UBASH3A: variants seen among roughly 807,000 people sequenced by gnomAD.
UBASH3A encodes ubiquitin-associated and SH3 domain-containing protein A.
In UBASH3A, 63 loss-of-function variants were observed where a neutral mutation model predicts 73.5. The ratio of observed to expected loss-of-function variants is 0.86; its 90% confidence interval spans 0.70 to 1.06. The LOEUF (loss-of-function observed/expected upper bound fraction) is 1.06. Ranked by LOEUF, UBASH3A falls within the 50% of genes least tolerant of loss-of-function variation. The pLI, the probability that UBASH3A is intolerant of heterozygous loss-of-function variation, is 0.00. For synonymous variants in UBASH3A, 363 were observed against 351.1 expected (o/e 1.03, Z -0.38); for missense variants, 860 against 859.0 (o/e 1.00, Z -0.02).
At chr21:42,431,014 C>T (rs2053518599) in intron 8 of UBASH3A, among the ~76,000 whole-genome samples, 1 of 152,214 alleles carries the variant, frequency 6.6e-6, no homozygotes, top group Admixed American at 6.5e-5. Context: ...CTGGTGTCTC[C>T]CTCCAGGGTC....
intron 1 of UBASH3A, among the ~76,000 whole-genome samples, chr21:42,404,928 C>A (rs1388042627): frequency 6.6e-6 from 1 of 152,230 alleles, no homozygotes; most frequent in Non-Finnish European, 1.5e-5. Context: ...GCTTTCATGG[C>A]AAACCAGTGC....
Position 42,437,493 on chromosome 21 carries a change from G to A in UBASH3A, c.1399G>A (p.Ala467Thr), listed in dbSNP as rs377495212. The change falls in exon 11 of 15, where the codon GCG becomes ACG. Residue 467 changes from alanine (A) to threonine (T), a missense_variant. By Grantham distance (58) the Ala-to-Thr change is moderately conservative. Transcript: ENST00000319294. ...GIFQSRIAGD[A>T]LLDSGIRISS... ...CCTTTTTCACTATTTTCCAGGGGACGCGCTACTGGACAGTGGTATCAGAAT... is the reference window on the plus strand; with the variant it reads ...CCTTTTTCACTATTTTCCAGGGGACACGCTACTGGACAGTGGTATCAGAAT... 21 of 1,614,002 alleles carry A rather than the reference G, an allele frequency of 1.3e-5. No individual in the cohort carries two copies. The highest frequency in any genetic ancestry group is 6.7e-5 in the East Asian group (3 of 44,900).
chr21:42,443,973 G>A (rs1026429110), intron 13 of UBASH3A, among the ~76,000 whole-genome samples: 32 of 152,232 alleles, frequency 2.1e-4, no homozygotes, highest in African/African-American at 7.7e-4. Context: ...TCCAGGTGGC[G>A]CCCCCTTCCC....
rs2053131456 is a variant in UBASH3A, at chr21:42,413,038, G to A, written c.369G>A (p.Lys123=). The A allele has an allele frequency of 6.2e-7, 1 of 1,614,180 alleles. No homozygotes were observed. The highest frequency in any genetic ancestry group is 2.2e-5 in the East Asian group (1 of 44,886). ...TGTCCCCTTAGTGTGAAGACCAGAA[G>A]GTGGAATGCCTGTACGAGGCGCTGA... ...LCDFFTCEDQ[K]VECLYEALKR... is the part of the protein sequence containing the mutation. Residue 123 remains lysine, a synonymous_variant, in exon 4 of 15, where the codon AAG becomes AAA. Coordinates refer to ENST00000319294, the MANE Select transcript of UBASH3A (RefSeq NM_018961.4). The surrounding 1 kb of genome is among the most constrained non-coding windows in gnomAD (Gnocchi z 4.5).
chr21:42,413,392 G>A lies in UBASH3A; in HGVS notation c.554-18G>A. The A allele has an allele frequency of 1.2e-6, 2 of 1,601,596 alleles. No individual in the cohort carries two copies. The highest frequency in any genetic ancestry group is 1.7e-6 in the Non-Finnish European group (2 of 1,171,880). On this transcript the variant is annotated intron_variant, in intron 4 of 14. Transcript: ENST00000319294. This position sits in a 1 kb window ranked among gnomAD's most constrained non-coding sequence, Gnocchi z 4.5. ...GGGCTTTCTTCCGGGCTCAGTGGCT[G>A]CACCTGTCCTCACCCAGGCACTTCC...
intron 11 of UBASH3A, among the ~76,000 whole-genome samples, chr21:42,441,602 G>A (rs373916011): frequency 1.0e-3 from 127 of 127,632 alleles, no homozygotes; most frequent in Middle Eastern, 3.7e-3. Flanking sequence ...GGGAGGACTC[G>A]GGAGCCTGGT....
At chr21:42,405,418 T>C (rs1449321248) in intron 1 of UBASH3A, among the ~76,000 whole-genome samples, 2 of 152,188 alleles carry the variant, frequency 1.3e-5, no homozygotes, top group Non-Finnish European at 2.9e-5. Context: ...ACGTATAGCA[T>C]GGACTTCTAC....
At chr21:42,408,899 A>AAAATAAAAT (rs1491247170) in intron 2 of UBASH3A, among the ~76,000 whole-genome samples, 4 of 104,498 alleles carry the variant, frequency 3.8e-5, no homozygotes, top group Non-Finnish European at 6.7e-5. Flanking sequence ...AAAATAAAAT[A>AAAATAAAAT]AAATAAAATA....
intron 6 of UBASH3A, 72 bp from the exon 7 acceptor site, chr21:42,418,328 AG>A (rs1365119428): frequency 7.4e-7 from 1 of 1,343,456 alleles, no homozygotes; most frequent in Admixed American, 1.7e-5. Flanking sequence ...GGCAGGTGAT[AG>A]GCCTCCTATT....
chr21:42,440,872 A>T (rs1206591178), intron 11 of UBASH3A, among the ~76,000 whole-genome samples: 1 of 152,246 alleles, frequency 6.6e-6, no homozygotes, highest in African/African-American at 2.4e-5. Context: ...AAAACACTTC[A>T]TAATTTTATC....
intron 7 of UBASH3A, among the ~76,000 whole-genome samples, chr21:42,420,649 C>T (rs1386334493): frequency 2.0e-5 from 3 of 152,108 alleles, no homozygotes; most frequent in Non-Finnish European, 4.4e-5. Context: ...GGCTGAAAAC[C>T]CATGGGCAAG....
In UBASH3A at chr21:42,413,477, C is replaced by T. The variant is rs144816086; in HGVS notation, c.621C>T (p.Ser207=). 9.2e-5 allele frequency: 149 copies of T among 1,614,006 alleles called. No individual in the cohort carries two copies. Among genetic ancestry groups the T allele is most frequent in the Non-Finnish European group, 1.3e-5 (15 of 1,180,006 alleles). Residue 207 remains serine (S), a synonymous_variant, in exon 5 of 15, where the codon AGC becomes AGT. Transcript: ENST00000319294. The surrounding 1 kb of genome is among the most constrained non-coding windows in gnomAD (Gnocchi z 4.5). ...VPGHGPNLRL[S]NLTRASFVSH... The stretch of plus-strand genomic sequence containing the variant: ...GACATGGCCCTAACCTGAGGCTGAG[C>T]AATTTAACTAGAGCCTCCTTCGTGA...
At chr21:42,445,362 C>G (rs550163872) in intron 14 of UBASH3A, among the ~76,000 whole-genome samples, 1 of 152,238 alleles carries the variant, frequency 6.6e-6, no homozygotes, top group Non-Finnish European at 1.5e-5. Flanking sequence ...CCAGGCAGCA[C>G]GTGCAGCATA....
chr21:42,418,744 C>G, intron 7 of UBASH3A, 135 bp downstream of exon 7: 1 of 782,692 alleles, frequency 1.3e-6, no homozygotes, highest in Non-Finnish European at 2.0e-6. Context: ...CAAAATTATT[C>G]CTGCAGGTAT....
intron 3 of UBASH3A, chr21:42,410,108 T>C: frequency 1.4e-6 from 1 of 702,502 alleles, no homozygotes; most frequent in Admixed American, 2.0e-5. Context: ...AACTTTTCCC[T>C]GTCTCAGGGA....
intron 6 of UBASH3A, among the ~76,000 whole-genome samples, chr21:42,417,892 T>C (rs1196344031): frequency 1.4e-5 from 2 of 142,234 alleles, no homozygotes; most frequent in African/African-American, 5.3e-5. Context: ...TTTTTTTTTT[T>C]TTTTTTTTGA....
intron 2 of UBASH3A, among the ~76,000 whole-genome samples, chr21:42,408,883 A>AAAAATAAAAT (rs537094372): frequency 0.11 from 12,650 of 114,720 alleles, 846 homozygotes; most frequent in Non-Finnish European, 0.13. Context: ...ACTCCATCTC[A>AAAAATAAAAT]AAAATAAAAT....
chr21:42,443,401 A>G lies in UBASH3A; in HGVS notation c.1721A>G (p.Asn574Ser), dbSNP rs764862983. 6.2e-7 allele frequency: 1 copy of G among 1,610,806 alleles called. No individual in the cohort carries two copies. Among genetic ancestry groups the G allele is most frequent in the East Asian group, 2.2e-5 (1 of 44,710 alleles). Reference protein sequence around the residue: ...RCTASMVQIVNTCPQDTGVIL... With the variant: ...RCTASMVQIVSTCPQDTGVIL... ...ACGGCGAGCATGGTGCAAATCGTCA[A>G]CACCTGTCCACAGGACAGTAAGTGC... Residue 574 changes from asparagine (N) to serine (S), a missense_variant, in exon 13 of 15, where the codon AAC (asparagine) becomes AGC (serine). Asn to Ser is a conservative substitution (Grantham distance 46). Coordinates refer to ENST00000319294, the MANE Select transcript of UBASH3A (RefSeq NM_018961.4).
At chr21:42,408,214 C>T (rs1430861918) in intron 2 of UBASH3A, among the ~76,000 whole-genome samples, 1 of 152,174 alleles carries the variant, frequency 6.6e-6, no homozygotes, top group Non-Finnish European at 1.5e-5. Context: ...GTTCTGTTTC[C>T]TCTAGTGATT....
Sources: allele counts gnomAD v4.1 joint callset (sites outside exome capture counted in the v4.1 genomes callset), GRCh38; gene constraint gnomAD v4.1.1; non-coding constraint Gnocchi (gnomAD v3.1); transcripts MANE v1.5; gene names NCBI Gene and HGNC (gene_info 2026-07-23, HGNC 2026-07-21).